The following TNFRSF8 variants were observed in gnomAD, a reference collection of about 807,000 sequenced individuals.
TNFRSF8 encodes the protein TNF receptor superfamily member 8, also known as tumor necrosis factor receptor superfamily member 8.
TNFRSF8 carries 26 observed loss-of-function variants against 70.8 expected under a neutral mutation model. That is an observed-to-expected ratio of 0.37 (90% confidence interval 0.27 to 0.51). The LOEUF is 0.51. Ranked by LOEUF, TNFRSF8 falls within the 20% of genes least tolerant of loss-of-function variation. The pLI is 0.94. For synonymous variants in TNFRSF8, 356 were observed against 339.2 expected (o/e 1.05, Z -0.54); for missense variants, 720 against 807.9 (o/e 0.89, Z 1.32).
rs181634103 is a variant in TNFRSF8 at position 12,088,747 on chromosome 1, C to T, written c.151+4196C>T. 3.6e-3 allele frequency among the ~76,000 whole-genome samples: 541 copies of T among 152,346 alleles called. 4 individuals are homozygous for T. Among genetic ancestry groups the T allele is most frequent in the Middle Eastern group, 0.014 (4 of 294 alleles). Reference sequence around the variant, plus strand: ...TTGTCCCAGGAGCTGAGGGTTCCTCCGAAGGCTGTGAACAGGAAGGAGGAG... The same window carrying T: ...TTGTCCCAGGAGCTGAGGGTTCCTCTGAAGGCTGTGAACAGGAAGGAGGAG... On this transcript the variant is annotated intron_variant, in intron 2 of 14. Transcript: ENST00000263932. The surrounding 1 kb of genome is among the most constrained non-coding windows in gnomAD (Gnocchi z 4.0).
intron 2 of TNFRSF8, among the ~76,000 whole-genome samples, chr1:12,089,122 T>C (rs1029538919): frequency 3.3e-4 from 50 of 152,102 alleles, no homozygotes; most frequent in African/African-American, 1.1e-3. Context: ...TAAACATTTG[T>C]TGGATGGATG....
intron 3 of TNFRSF8, among the ~76,000 whole-genome samples, chr1:12,103,582 G>A (rs184851506): frequency 0.015 from 2,332 of 152,006 alleles, 31 homozygotes; most frequent in East Asian, 0.024. Flanking sequence ...CGATCCTCCC[G>A]CCTCAGCCTC....
intron 4 of TNFRSF8, among the ~76,000 whole-genome samples, chr1:12,106,992 T>C (rs1570036943): frequency 6.6e-6 from 1 of 152,348 alleles, no homozygotes; most frequent in East Asian, 1.9e-4. Flanking sequence ...GTCTGGGCAG[T>C]GTTCCTGAGA....
At chr1:12,080,372 A>G in intron 1 of TNFRSF8, 1 of 524,632 alleles carries the variant, frequency 1.9e-6, no homozygotes, top group Non-Finnish European at 3.8e-6. Flanking sequence ...CATGCCATAG[A>G]GCTTTGTCAC....
intron 2 of TNFRSF8, among the ~76,000 whole-genome samples, chr1:12,093,998 G>T (rs968098534): frequency 4.7e-5 from 7 of 147,522 alleles, no homozygotes; most frequent in Admixed American, 2.8e-4. Context: ...GGCGGAGGTT[G>T]CAGTGAGCTG....
chr1:12,114,618 G>A (rs1392589397), intron 7 of TNFRSF8, among the ~76,000 whole-genome samples: 1 of 145,150 alleles, frequency 6.9e-6, no homozygotes, highest in Admixed American at 7.0e-5. Flanking sequence ...TCCCGAATAC[G>A]TACAAATGCA....
At position 12,097,176 on chromosome 1, in the gene TNFRSF8, A is replaced by C; in HGVS notation, c.227A>C (p.Asp76Ala). 1 of 1,614,050 alleles carries C rather than the reference A, an allele frequency of 6.2e-7. No individual in the cohort carries two copies. Among genetic ancestry groups the C allele is most frequent in the Non-Finnish European group, 8.5e-7 (1 of 1,179,964 alleles). ...CAGTGTGAGCCTGACTACTACCTGG[A>C]TGAGGCCGACCGCTGTACAGCCTGC... ...RKQCEPDYYL[D>A]EADRCTACVT... Residue 76 changes from aspartate (D) to alanine (A), a missense_variant, in exon 3 of 15, where the codon GAT (aspartate) becomes GCT (alanine). By Grantham distance (126) the Asp-to-Ala change is moderately radical. Transcript: ENST00000263932.
At position 12,088,904 on chromosome 1, in the gene TNFRSF8, C is replaced by T. The variant is rs997338403; in HGVS notation, c.151+4353C>T. Reference sequence around the variant, plus strand: ...CCCCCTCCCCCGCCCAGTCCCTCTTCATCCTGGGCTTCAGCTGAGTGTGCT... The same window carrying T: ...CCCCCTCCCCCGCCCAGTCCCTCTTTATCCTGGGCTTCAGCTGAGTGTGCT... On this transcript the variant is annotated intron_variant, in intron 2 of 14. Coordinates refer to ENST00000263932, the MANE Select transcript of TNFRSF8 (RefSeq NM_001243.5). This position sits in a 1 kb window ranked among gnomAD's most constrained non-coding sequence, Gnocchi z 4.0. Among the ~76,000 whole-genome samples the T allele has an allele frequency of 1.3e-5, 2 of 151,928 alleles. No homozygotes were observed. The highest frequency in any genetic ancestry group is 4.8e-5 in the African/African-American group (2 of 41,388).
chr1:12,090,704 G>C (rs1641234807), intron 2 of TNFRSF8, among the ~76,000 whole-genome samples: 2 of 152,230 alleles, frequency 1.3e-5, no homozygotes, highest in Admixed American at 6.5e-5. Flanking sequence ...TGGGGGGGCA[G>C]CTATCATCTT....
rs11569879 is a variant in TNFRSF8, at chr1:12,110,866, GGGA to G, written c.676+666_676+668del. On this transcript the variant is annotated intron_variant, in intron 6 of 14. Transcript: ENST00000263932. This position sits in a 1 kb window ranked among gnomAD's most constrained non-coding sequence, Gnocchi z 4.0. ...GCCCACCTCGGCCTCCCAAAGTGCT[GGGA>G]GGATTACAGGCGTGAGCCACCGCGC... Among the ~76,000 whole-genome samples the G allele has an allele frequency of 0.38, 56,996 of 151,796 alleles. 11,066 individuals carry two copies. Among genetic ancestry groups the G allele is most frequent in the African/African-American group, 0.46 (19,091 of 41,352 alleles).
intron 3 of TNFRSF8, among the ~76,000 whole-genome samples, chr1:12,103,914 G>A (rs1641469133): frequency 6.6e-6 from 1 of 152,140 alleles, no homozygotes. Flanking sequence ...TCTTTGTGTT[G>A]CCCATTCTAG....
chr1:12,075,096 T>C (rs1225524945), intron 1 of TNFRSF8, among the ~76,000 whole-genome samples: 5 of 151,928 alleles, frequency 3.3e-5, no homozygotes, highest in Admixed American at 1.3e-4. Flanking sequence ...ATACAAAGCT[T>C]AGCCAGGTGT....
intron 2 of TNFRSF8, among the ~76,000 whole-genome samples, chr1:12,091,561 G>GT (rs934610164): frequency 1.5e-4 from 23 of 152,166 alleles, no homozygotes; most frequent in Admixed American, 6.5e-4. Context: ...GAGGATCTGG[G>GT]TGGGGTCAGA....
At chr1:12,094,463 G>A (rs1445267240) in intron 2 of TNFRSF8, among the ~76,000 whole-genome samples, 1 of 152,072 alleles carries the variant, frequency 6.6e-6, no homozygotes, top group Non-Finnish European at 1.5e-5. Flanking sequence ...TAGGTGAGCC[G>A]AACCTCACTA....
intron 2 of TNFRSF8, among the ~76,000 whole-genome samples, chr1:12,091,794 C>T (rs1350118552): frequency 2.0e-5 from 3 of 152,180 alleles, no homozygotes; most frequent in Non-Finnish European, 2.9e-5. Context: ...GATGATTCTT[C>T]CCATGAAGGG....
chr1:12,112,353 C>T lies in TNFRSF8; in HGVS notation c.793+339C>T, dbSNP rs1452507367. Among the ~76,000 whole-genome samples the T allele has an allele frequency of 3.3e-5, 5 of 151,834 alleles. No homozygotes were observed. The highest frequency in any genetic ancestry group is 5.9e-5 in the Non-Finnish European group (4 of 67,968). ...GACAGGTGCCACCAGGTTCCAGGTT[C>T]TCGTCCACTCCACTCGCTGCCCCTA... On this transcript the variant is annotated intron_variant, in intron 7 of 14. Transcript: ENST00000263932. This position sits in a 1 kb window ranked among gnomAD's most constrained non-coding sequence, Gnocchi z 5.3.
rs183485587 is a variant in TNFRSF8, at chr1:12,117,481, T to C, written c.946+1752T>C. On this transcript the variant is annotated intron_variant, in intron 8 of 14. Coordinates refer to ENST00000263932, the MANE Select transcript of TNFRSF8 (RefSeq NM_001243.5). ...ACTCTGTTTGTAAAGCCCTCTTTAC[T>C]TGGGTATTTGGAAGTGCACCTGTCA... is the stretch of plus-strand genomic sequence containing the variant. Among the ~76,000 whole-genome samples the C allele has an allele frequency of 9.6e-4, 146 of 152,270 alleles. 1 individual carries two copies. Among genetic ancestry groups the C allele is most frequent in the Non-Finnish European group, 1.3e-3 (89 of 68,020 alleles).
intron 2 of TNFRSF8, among the ~76,000 whole-genome samples, chr1:12,094,058 CAAAAAAA>C (rs778868213): frequency 1.2e-5 from 1 of 84,678 alleles, no homozygotes; most frequent in African/African-American, 4.8e-5. Flanking sequence ...GACTTTGTCT[CAAAAAAA>C]AAAAAAAAAA....
Position 12,113,734 on chromosome 1 carries a change from A to C in TNFRSF8, c.793+1720A>C, listed in dbSNP as rs2101010537. 6.6e-6 allele frequency among the ~76,000 whole-genome samples: 1 copy of C among 152,090 alleles called. No homozygotes were observed. Among genetic ancestry groups the C allele is most frequent in the African/African-American group, 2.4e-5 (1 of 41,512 alleles). On this transcript the variant is annotated intron_variant, in intron 7 of 14. Coordinates refer to ENST00000263932, the MANE Select transcript of TNFRSF8 (RefSeq NM_001243.5). The surrounding 1 kb of genome is among the most constrained non-coding windows in gnomAD (Gnocchi z 4.9). Reference sequence around the variant, plus strand: ...GAGAGACAGAGATAGAGTGTGACAGAGAGAAAGACAGAGAAAGAGAGAGAG... The same window carrying C: ...GAGAGACAGAGATAGAGTGTGACAGCGAGAAAGACAGAGAAAGAGAGAGAG...
Sources: allele counts gnomAD v4.1 joint callset (sites outside exome capture counted in the v4.1 genomes callset), GRCh38; gene constraint gnomAD v4.1.1; non-coding constraint Gnocchi (gnomAD v3.1); transcripts MANE v1.5; gene names NCBI Gene and HGNC (gene_info 2026-07-23, HGNC 2026-07-21).